The following ANKRD36C variants were observed in gnomAD, a reference collection of about 807,000 sequenced individuals.
ANKRD36C encodes ankyrin repeat domain-containing protein 36C.
A neutral mutation model predicts 276.4 loss-of-function variants in ANKRD36C; 61 were observed. The observed-to-expected ratio is 0.22, with a 90% CI of 0.18 to 0.27. The LOEUF is 0.27. ANKRD36C is among the 10% of genes least tolerant of loss of function. The probability of loss-of-function intolerance (pLI) is 1.00; values close to 1 mark genes in which losing one functional copy is unlikely to be tolerated. For missense variants in ANKRD36C, 1,447 were observed against 2,032.3 expected (o/e 0.71, Z 5.54); for synonymous variants, 483 against 680.1 (o/e 0.71, Z 4.51).
At chr2:95,913,447 A>G (rs1414070080) in intron 40 of ANKRD36C, among the ~76,000 whole-genome samples, 2 of 151,446 alleles carry the variant, frequency 1.3e-5, no homozygotes, top group African/African-American at 4.8e-5. Context: ...GATGCCTCCT[A>G]GTAACCAAGA....
At chr2:95,979,526 G>C (rs1489823441) in intron 5 of ANKRD36C, among the ~76,000 whole-genome samples, 2 of 151,944 alleles carry the variant, frequency 1.3e-5, no homozygotes, top group Admixed American at 6.6e-5. Context: ...CAAGCAGCTT[G>C]AGAGATCTTC....
At chr2:95,947,419 A>G (rs1272503064) in intron 17 of ANKRD36C, among the ~76,000 whole-genome samples, 7 of 152,168 alleles carry the variant, frequency 4.6e-5, no homozygotes, top group Admixed American at 2.0e-4. Context: ...CACATTAAAA[A>G]CTAATAAAAT....
At position 95,883,747 on chromosome 2, in the gene ANKRD36C, C is replaced by T. The variant is rs568589253; in HGVS notation, c.3265+426G>A. ...TTGAGGAAAGTAATTTCTACATCAG[C>T]GGTCTCGTTAGTTCTTGTTCTACAG... is the stretch of plus-strand genomic sequence containing the variant. On this transcript the variant is annotated intron_variant, in intron 54 of 66. Transcript: ENST00000456556. 1.6e-4 allele frequency among the ~76,000 whole-genome samples: 24 copies of T among 152,172 alleles called. No homozygotes were observed. The South Asian group carries it at 4.1e-3, about 26-fold the overall frequency.
intron 10 of ANKRD36C, among the ~76,000 whole-genome samples, chr2:95,959,028 C>T (rs1396910775): frequency 6.6e-6 from 1 of 152,286 alleles, no homozygotes; most frequent in Non-Finnish European, 1.5e-5. Context: ...ATGTCTATTA[C>T]TGCAATAAAA....
chr2:95,968,821 T>TC (rs1171486581), intron 6 of ANKRD36C, among the ~76,000 whole-genome samples: 3 of 152,152 alleles, frequency 2.0e-5, no homozygotes, highest in Admixed American at 6.6e-5. Flanking sequence ...CAGGACCCCC[T>TC]CTTTGGTTTG....
rs746113796 is a variant in ANKRD36C, at chr2:95,855,852, C to T, written c.4409G>A (p.Arg1470Lys). Residue 1470 changes from arginine to lysine, a missense_variant, in exon 63 of 67, where the codon AGA (arginine) becomes AAA (lysine). Physicochemically the swap from Arg to Lys is conservative, Grantham distance 26. Around this residue, in one of 13 missense-constraint regions of ANKRD36C, gnomAD observed 437 missense variants for 641.0 expected, o/e 0.68. Transcript: ENST00000456556. The stretch of plus-strand genomic sequence containing the variant: ...ATGATCACATAGAGCAGCATTCAGT[C>T]TACAACGGTATGATTGCATTTCTGT... The T allele has an allele frequency of 1.9e-6, 3 of 1,613,874 alleles. No individual in the cohort carries two copies. In the East Asian group the frequency reaches 6.7e-5, roughly 36 times the overall value.
At chr2:95,914,582 G>A (rs180805506) in intron 38 of ANKRD36C, among the ~76,000 whole-genome samples, 19 of 151,448 alleles carry the variant, frequency 1.3e-4, no homozygotes, top group East Asian at 2.0e-4. Flanking sequence ...TGCATAGGCC[G>A]GGTGATGAGA....
chr2:95,902,397 C>A (rs1188668851), intron 42 of ANKRD36C, among the ~76,000 whole-genome samples: 1 of 150,170 alleles, frequency 6.7e-6, no homozygotes, highest in East Asian at 2.0e-4. Context: ...ATATAAATGA[C>A]TTCCTCTTTT....
At chr2:95,873,987 C>A (rs1429278549) in intron 59 of ANKRD36C, among the ~76,000 whole-genome samples, 1 of 152,072 alleles carries the variant, frequency 6.6e-6, no homozygotes, top group Non-Finnish European at 1.5e-5. Context: ...TGAAGGACCT[C>A]TTCAAGGAGA....
At position 95,910,452 on chromosome 2, in the gene ANKRD36C, A is replaced by G. The variant is rs374696636; in HGVS notation, c.2653+1792T>C. On this transcript the variant is annotated intron_variant, in intron 42 of 66. Coordinates refer to ENST00000456556, the Ensembl canonical transcript of ANKRD36C. ...CTTCCTCGTCACTTGTAGCCTGAAT[A>G]GAATTTGAAACGAAATAATAAATAA... 2.5e-5 allele frequency: 40 copies of G among 1,575,062 alleles called. No individual in the cohort carries two copies. The East Asian group carries it at 5.2e-4, about 20-fold the overall frequency.
chr2:95,908,013 C>G (rs1217637083), intron 42 of ANKRD36C, among the ~76,000 whole-genome samples: 1 of 150,754 alleles, frequency 6.6e-6, no homozygotes, highest in Admixed American at 6.6e-5. Flanking sequence ...ATATAAATGA[C>G]TTCCTCTTTT....
At chr2:95,964,343 C>T (rs1678543729) in intron 6 of ANKRD36C, among the ~76,000 whole-genome samples, 1 of 151,816 alleles carries the variant, frequency 6.6e-6, no homozygotes, top group African/African-American at 2.4e-5. Context: ...AAGTGACTCC[C>T]CAAAGTCTCC....
At chr2:95,916,263 C>A in intron 36 of ANKRD36C, 92 bp from the exon 39 acceptor site, 3 of 1,570,732 alleles carry the variant, frequency 1.9e-6, no homozygotes, top group Non-Finnish European at 8.6e-7. Flanking sequence ...CCTCTGAACT[C>A]CTGCCTGTAT....
intron 42 of ANKRD36C, among the ~76,000 whole-genome samples, chr2:95,910,126 T>A (rs1303308729): frequency 6.6e-6 from 1 of 151,248 alleles, no homozygotes; most frequent in East Asian, 2.0e-4. Context: ...GAGCCCCTTA[T>A]GTCTTCAACT....
intron 3 of ANKRD36C, among the ~76,000 whole-genome samples, chr2:95,985,397 G>T (rs1679008289): frequency 6.6e-6 from 1 of 152,124 alleles, no homozygotes; most frequent in Non-Finnish European, 1.5e-5. Context: ...TATCTATTCA[G>T]TGGTTCTTAA....
chr2:95,923,416 C>T, intron 32 of ANKRD36C, 79 bp downstream of exon 32: 3 of 1,533,918 alleles, frequency 2.0e-6, no homozygotes, highest in African/African-American at 1.4e-5. Flanking sequence ...TTGATGAGCC[C>T]CCCGCTGATT....
chr2:95,971,178 CAG>C lies in ANKRD36C; in HGVS notation c.799+6942_799+6943del, dbSNP rs1558661105. 9.2e-5 allele frequency among the ~76,000 whole-genome samples: 14 copies of C among 152,018 alleles called. 1 individual carries two copies. The South Asian group carries it at 2.9e-3, about 32-fold the overall frequency. On this transcript the variant is annotated intron_variant, in intron 6 of 66. Transcript: ENST00000456556. ...GGACAGCAAAAATATTAGTAGTTGA[CAG>C]GGGTTAGTTGTGAGGGAGGAATAAA... is the stretch of plus-strand genomic sequence containing the variant.
intron 1 of ANKRD36C, among the ~76,000 whole-genome samples, chr2:95,987,956 T>C (rs962610962): frequency 8.5e-5 from 13 of 152,070 alleles, no homozygotes; most frequent in African/African-American, 3.1e-4. Flanking sequence ...TCTCCTAACA[T>C]TGGAATACTG....
intron 1 of ANKRD36C, among the ~76,000 whole-genome samples, chr2:95,990,731 G>T (rs1187532761): frequency 4.6e-5 from 7 of 152,014 alleles, no homozygotes; most frequent in African/African-American, 1.7e-4. Flanking sequence ...AGGTCCCTCA[G>T]TGAAAACCAA....
Sources: gnomAD v4.1 joint callset for allele counts (sites outside exome capture counted in the v4.1 genomes callset) on GRCh38, gnomAD v4.1.1 for gene constraint, gnomAD v4.1.1 regional missense constraint, MANE v1.5 for transcripts, NCBI Gene and HGNC (gene_info 2026-07-23, HGNC 2026-07-21) for gene names.